The following RIC1 variants were observed in gnomAD, a reference collection of about 807,000 sequenced individuals.
RIC1 encodes guanine nucleotide exchange factor subunit RIC1.
In RIC1, 88 loss-of-function variants were observed where a neutral mutation model predicts 169.0. The observed-to-expected ratio is 0.52, with a 90% confidence interval of 0.44 to 0.62. The LOEUF is 0.62. Ranked by LOEUF, RIC1 falls within the 20% of genes least tolerant of loss-of-function variation. The pLI is 0.00. For missense variants in RIC1, 1,877 were observed against 1,725.5 expected (o/e 1.09, Z -1.56); for synonymous variants, 790 against 601.5 (o/e 1.31, Z -4.59).
intron 1 of RIC1, among the ~76,000 whole-genome samples, chr9:5,638,453 A>G (rs916575722): frequency 6.6e-6 from 1 of 152,198 alleles, no homozygotes; most frequent in Non-Finnish European, 1.5e-5. Flanking sequence ...GGAATTGAGC[A>G]GTGAAACCAC....
At chr9:5,672,618 GA>G (rs899723460) in intron 2 of RIC1, among the ~76,000 whole-genome samples, 6 of 152,138 alleles carry the variant, frequency 3.9e-5, no homozygotes, top group Admixed American at 1.3e-4. Flanking sequence ...GTTATAGAAA[GA>G]AAACAAGACA....
chr9:5,732,244 G>C, intron 6 of RIC1, 144 bp from the exon 7 acceptor site: 1 of 622,942 alleles, frequency 1.6e-6, no homozygotes, highest in Non-Finnish European at 2.8e-6. Flanking sequence ...AGACTATTGT[G>C]GTAGTCCTGG....
At chr9:5,672,375 T>C (rs1197244287) in intron 2 of RIC1, among the ~76,000 whole-genome samples, 4 of 152,194 alleles carry the variant, frequency 2.6e-5, no homozygotes, top group Non-Finnish European at 5.9e-5. Flanking sequence ...AAAAAATTAC[T>C]AAGAACTTTC....
At chr9:5,694,654 G>T (rs889786141) in intron 3 of RIC1, among the ~76,000 whole-genome samples, 1 of 152,112 alleles carries the variant, frequency 6.6e-6, no homozygotes, top group South Asian at 2.1e-4. Context: ...TCCCTTATTG[G>T]CCACACTTCC....
intron 6 of RIC1, 115 bp from the exon 7 acceptor site, chr9:5,732,273 A>C (rs1824414946): frequency 5.1e-6 from 4 of 781,302 alleles, no homozygotes; most frequent in Non-Finnish European, 8.5e-6. Context: ...TTTCCTCTGC[A>C]GATGAAACCA....
chr9:5,757,362 C>T lies in RIC1; in HGVS notation c.1903C>T (p.Arg635Cys), dbSNP rs770460042. The change falls in exon 17 of 26, where the codon CGC becomes TGC. Residue 635 changes from arginine (R) to cysteine (C), a missense_variant. Around this residue, in one of 3 missense-constraint regions of RIC1, gnomAD observed 1,104 missense variants for 992.0 expected, o/e 1.11. Coordinates refer to ENST00000414202, the MANE Select transcript of RIC1 (RefSeq NM_020829.4). ...AGTTCTTCAGGAGGTTTCCATGTCA[C>T]GCTACATTCCTCACCCTTTCCTGGT... The part of the protein sequence containing the change: ...IQVLQEVSMS[R>C]YIPHPFLVVS... The T allele has an allele frequency of 2.5e-5, 41 of 1,613,906 alleles. No homozygotes were observed. Among genetic ancestry groups the T allele is most frequent in the Middle Eastern group, 1.6e-4 (1 of 6,084 alleles).
chr9:5,769,388 T>C, intron 22 of RIC1, 132 bp downstream of exon 22: 1 of 1,592,254 alleles, frequency 6.3e-7, no homozygotes, highest in East Asian at 2.3e-5. Flanking sequence ...AGCCAACTTT[T>C]TGTACATGAG....
chr9:5,674,118 A>G (rs1040188179), intron 2 of RIC1, among the ~76,000 whole-genome samples: 10 of 152,292 alleles, frequency 6.6e-5, no homozygotes, highest in Admixed American at 3.3e-4. Context: ...GAGTTTGTGC[A>G]AATGTCCCTG....
At chr9:5,633,750 C>A (rs1291527123) in intron 1 of RIC1, among the ~76,000 whole-genome samples, 1 of 152,134 alleles carries the variant, frequency 6.6e-6, no homozygotes, top group Non-Finnish European at 1.5e-5. Context: ...TTAAGACCTA[C>A]TCTCTTAGCA....
chr9:5,661,267 T>C (rs973531642), intron 2 of RIC1, among the ~76,000 whole-genome samples: 1 of 152,250 alleles, frequency 6.6e-6, no homozygotes, highest in Non-Finnish European at 1.5e-5. Context: ...TCAGGTAGCA[T>C]GATGCCTCTG....
chr9:5,677,395 G>C (rs959394308), intron 2 of RIC1, among the ~76,000 whole-genome samples: 6 of 151,998 alleles, frequency 3.9e-5, no homozygotes, highest in Admixed American at 1.3e-4. Context: ...TTGTTGTTAA[G>C]TTCATATTTT....
chr9:5,743,460 C>A (rs775087501), intron 9 of RIC1, among the ~76,000 whole-genome samples: 28 of 152,112 alleles, frequency 1.8e-4, no homozygotes, highest in Non-Finnish European at 3.4e-4. Context: ...AATGAGCACA[C>A]CTTTAAAAGC....
At chr9:5,682,623 GAC>G (rs1235227680) in intron 2 of RIC1, among the ~76,000 whole-genome samples, 1 of 152,058 alleles carries the variant, frequency 6.6e-6, no homozygotes, top group African/African-American at 2.4e-5. Context: ...TGCTGAATCT[GAC>G]AATTATGTGT....
chr9:5,768,304 T>G (rs908922850), intron 21 of RIC1, among the ~76,000 whole-genome samples: 6 of 152,134 alleles, frequency 3.9e-5, no homozygotes, highest in Non-Finnish European at 8.8e-5. Flanking sequence ...GGTGGGAGGA[T>G]TGCTTGAGGC....
chr9:5,763,930 A>T lies in RIC1; in HGVS notation c.2841+62A>T. On this transcript the variant is annotated intron_variant, in intron 19 of 25. Coordinates refer to ENST00000414202, the MANE Select transcript of RIC1 (RefSeq NM_020829.4). The surrounding 1 kb of genome is among the most constrained non-coding windows in gnomAD (Gnocchi z 5.2). ...TGAGCTTAAACTTAGAAAAATAGAA[A>T]TGTCCTGTTTTGACACCATGATTGT... 1 of 1,502,670 alleles carries T rather than the reference A, an allele frequency of 6.7e-7. No homozygotes were observed. Among genetic ancestry groups the T allele is most frequent in the East Asian group, 2.3e-5 (1 of 43,862 alleles). 93.1% of individuals were successfully genotyped at this position (1,502,670 alleles called of 1,614,324 possible). A position where few individuals can be genotyped will look rare whatever the true frequency, so the allele number is the denominator to read the frequency against.
chr9:5,664,207 A>G (rs1819621188), intron 2 of RIC1, among the ~76,000 whole-genome samples: 1 of 152,112 alleles, frequency 6.6e-6, no homozygotes, highest in South Asian at 2.1e-4. Flanking sequence ...CAAGAGATCG[A>G]CACCATCCTG....
At chr9:5,648,469 G>T (rs886543279) in intron 1 of RIC1, among the ~76,000 whole-genome samples, 2 of 152,164 alleles carry the variant, frequency 1.3e-5, no homozygotes, top group Non-Finnish European at 2.9e-5. Flanking sequence ...AATGTTAACA[G>T]TGTGGCTATG....
chr9:5,708,408 C>G (rs1422298050), intron 3 of RIC1, among the ~76,000 whole-genome samples: 1 of 151,988 alleles, frequency 6.6e-6, no homozygotes, highest in Admixed American at 6.6e-5. Context: ...GAGTTATTGC[C>G]TCTTGTTTTT....
intron 6 of RIC1, among the ~76,000 whole-genome samples, chr9:5,730,625 G>A (rs902243006): frequency 1.2e-4 from 19 of 152,082 alleles, no homozygotes; most frequent in African/African-American, 3.6e-4. Context: ...GGGGTGTGAG[G>A]ATACAGTGAT....
Sources: gnomAD v4.1 joint callset for allele counts (sites outside exome capture counted in the v4.1 genomes callset) on GRCh38, gnomAD v4.1.1 for gene constraint, gnomAD v4.1.1 regional missense constraint, Gnocchi (gnomAD v3.1) non-coding constraint, MANE v1.5 for transcripts, NCBI Gene and HGNC (gene_info 2026-07-23, HGNC 2026-07-21) for gene names.